The following ZBTB2 variants were observed in gnomAD, a reference collection of about 807,000 sequenced individuals.
The protein encoded by ZBTB2 is zinc finger and BTB domain-containing protein 2.
ZBTB2 carries 2 observed loss-of-function variants against 39.5 expected under a neutral mutation model. That is an observed-to-expected ratio of 0.05 (90% CI 0.02 to 0.16). The LOEUF (loss-of-function observed/expected upper bound fraction) is 0.16. Among genes scored for constraint, ZBTB2 ranks in the 10% least tolerant of loss-of-function variants. ZBTB2 has a pLI of 1.00. For synonymous variants in ZBTB2, 251 were observed against 256.6 expected (o/e 0.98, Z 0.21); for missense variants, 391 against 653.0 (o/e 0.60, Z 4.37).
intron 1 of ZBTB2, among the ~76,000 whole-genome samples, chr6:151,390,402 C>T (rs1365421185): frequency 6.7e-6 from 1 of 150,242 alleles, no homozygotes; most frequent in Non-Finnish European, 1.5e-5. Flanking sequence ...CGACGCACTC[C>T]GGCCGCGTTG....
At chr6:151,388,384 G>A (rs1035235997) in intron 1 of ZBTB2, among the ~76,000 whole-genome samples, 1 of 152,158 alleles carries the variant, frequency 6.6e-6, no homozygotes, top group Non-Finnish European at 1.5e-5. Flanking sequence ...GCTGATCCCA[G>A]GCCGATGCTA....
intron 1 of ZBTB2, among the ~76,000 whole-genome samples, chr6:151,382,644 C>T (rs1779061579): frequency 1.3e-5 from 2 of 151,922 alleles, no homozygotes; most frequent in African/African-American, 4.8e-5. Flanking sequence ...CCTCCACCTA[C>T]CCGCTTCCCC....
At chr6:151,368,578 C>T (rs993543741) in intron 2 of ZBTB2, among the ~76,000 whole-genome samples, 5 of 151,752 alleles carry the variant, frequency 3.3e-5, no homozygotes, top group Non-Finnish European at 7.4e-5. Flanking sequence ...CTCAGCCTCC[C>T]GAGTAGCTGG....
chr6:151,391,255 C>T (rs1779300608), intron 1 of ZBTB2, among the ~76,000 whole-genome samples, 165 bp downstream of exon 1: 1 of 151,866 alleles, frequency 6.6e-6, no homozygotes, highest in African/African-American at 2.4e-5. Context: ...CTGCCTGCAC[C>T]CGTAGCCCTG....
chr6:151,381,307 C>G (rs6557132), intron 1 of ZBTB2, among the ~76,000 whole-genome samples: 78,804 of 151,930 alleles, frequency 0.52, 24,607 homozygotes, highest in African/African-American at 0.87. Flanking sequence ...GATCACCTGA[C>G]GTCAGGAGTT....
At chr6:151,368,440 C>T (rs1562764181) in intron 2 of ZBTB2, among the ~76,000 whole-genome samples, 1 of 151,848 alleles carries the variant, frequency 6.6e-6, no homozygotes, top group African/African-American at 2.4e-5. Context: ...TGAGCCACCG[C>T]GCCTGGCAAC....
chr6:151,373,777 C>A (rs1778835526), intron 1 of ZBTB2, 128 bp from the exon 2 acceptor site: 1 of 587,776 alleles, frequency 1.7e-6, no homozygotes, highest in Admixed American at 4.1e-5. Context: ...CTGCTAAAAA[C>A]GTTACACAGA....
At chr6:151,386,422 C>G (rs1208446894) in intron 1 of ZBTB2, among the ~76,000 whole-genome samples, 1 of 152,178 alleles carries the variant, frequency 6.6e-6, no homozygotes, top group Non-Finnish European at 1.5e-5. Flanking sequence ...ATGGTCCCAG[C>G]TACCAGAAGG....
intron 2 of ZBTB2, among the ~76,000 whole-genome samples, chr6:151,371,207 T>G (rs1778782268): frequency 6.6e-6 from 1 of 152,136 alleles, no homozygotes. Flanking sequence ...CTCCAGACAT[T>G]GATCAAGTGG....
chr6:151,390,200 A>AGGCGACAAGGGC (rs1430112043), intron 1 of ZBTB2, among the ~76,000 whole-genome samples: 1 of 151,754 alleles, frequency 6.6e-6, no homozygotes, highest in Non-Finnish European at 1.5e-5. Context: ...CTCAGCGAGC[A>AGGCGACAAGGGC]GGCGACAAGG....
At chr6:151,389,298 A>T (rs1779232388) in intron 1 of ZBTB2, among the ~76,000 whole-genome samples, 1 of 152,368 alleles carries the variant, frequency 6.6e-6, no homozygotes, top group South Asian at 2.1e-4. Context: ...ATGACCTTTT[A>T]ACAGTTTGAA....
chr6:151,367,297 T>C (rs1414939165), intron 2 of ZBTB2, among the ~76,000 whole-genome samples: 3 of 152,152 alleles, frequency 2.0e-5, no homozygotes, highest in Non-Finnish European at 2.9e-5. Context: ...ATTTTTGTAT[T>C]TTTAATAGAG....
intron 1 of ZBTB2, among the ~76,000 whole-genome samples, chr6:151,386,359 C>T (rs562633111): frequency 2.6e-5 from 4 of 152,190 alleles, no homozygotes; most frequent in East Asian, 1.9e-4. Flanking sequence ...CGCAACATGA[C>T]GAGACCCTGT....
At chr6:151,373,843 T>TAAAAAAAAAAAAAAAAA (rs200070063) in intron 1 of ZBTB2, among the ~76,000 whole-genome samples, 194 bp from the exon 2 acceptor site, 4 of 45,994 alleles carry the variant, frequency 8.7e-5, no homozygotes, top group Admixed American at 4.0e-4. Flanking sequence ...ATTATGCCTT[T>TAAAAAAAAAAAAAAAAA]AAAAAAAAAA....
chr6:151,373,698 ATG>A, intron 1 of ZBTB2, 49 bp from the exon 2 acceptor site: 1 of 1,550,042 alleles, frequency 6.5e-7, no homozygotes, highest in African/African-American at 1.4e-5. Context: ...ACAAATAAGA[ATG>A]TGTCCTTTAT....
chr6:151,373,927 G>A (rs963484870), intron 1 of ZBTB2, among the ~76,000 whole-genome samples: 53 of 141,792 alleles, frequency 3.7e-4, no homozygotes, highest in African/African-American at 1.3e-3. Context: ...ATTTGCCCAA[G>A]CTCACACAGA....
At chr6:151,378,323 C>T (rs546877130) in intron 1 of ZBTB2, among the ~76,000 whole-genome samples, 24 of 141,774 alleles carry the variant, frequency 1.7e-4, no homozygotes, top group Non-Finnish European at 3.0e-4. Flanking sequence ...GGAGAGTCAT[C>T]CAATTTTGCA....
At chr6:151,380,702 G>A (rs989377064) in intron 1 of ZBTB2, among the ~76,000 whole-genome samples, 7 of 152,146 alleles carry the variant, frequency 4.6e-5, no homozygotes, top group African/African-American at 1.7e-4. Context: ...TGGTTTTCAG[G>A]CTGCAGCTCT....
At chr6:151,369,841 T>C (rs920456503) in intron 2 of ZBTB2, among the ~76,000 whole-genome samples, 2 of 152,054 alleles carry the variant, frequency 1.3e-5, no homozygotes, top group South Asian at 4.1e-4. Flanking sequence ...GGCGTGGTGG[T>C]GCGCAGCTGT....
Sources: allele counts gnomAD v4.1 joint callset (sites outside exome capture counted in the v4.1 genomes callset), GRCh38; gene constraint gnomAD v4.1.1; transcripts MANE v1.5; gene names NCBI Gene and HGNC (gene_info 2026-07-23, HGNC 2026-07-21).